The following PHF14 variants were observed in gnomAD, a reference collection of about 807,000 sequenced individuals.
PHF14 encodes the protein PHD finger protein 14.
PHF14 carries 55 observed loss-of-function variants against 117.9 expected under a neutral mutation model. The ratio of observed to expected loss-of-function variants is 0.47; its 90% CI spans 0.38 to 0.58. The LOEUF (loss-of-function observed/expected upper bound fraction) is 0.58, where lower values mean the gene tolerates loss of function less well. Ranked by LOEUF, PHF14 falls within the 20% of genes least tolerant of loss-of-function variation. The pLI is 0.00. For missense variants in PHF14, 978 were observed against 1,122.2 expected (o/e 0.87, Z 1.84); for synonymous variants, 409 against 368.6 (o/e 1.11, Z -1.26).
chr7:11,051,232 A>C (rs912329920), intron 13 of PHF14, among the ~76,000 whole-genome samples: 8 of 151,730 alleles, frequency 5.3e-5, no homozygotes, highest in Admixed American at 1.3e-4. Flanking sequence ...TTGTGAAGAC[A>C]GTCTCTCACT....
At chr7:10,981,233 T>C (rs775091817) in intron 2 of PHF14, among the ~76,000 whole-genome samples, 73 of 152,200 alleles carry the variant, frequency 4.8e-4, no homozygotes, top group Non-Finnish European at 1.2e-4. Flanking sequence ...AACACTTTAC[T>C]TTTTCCACCA....
chr7:11,134,941 C>G (rs1029583), intron 17 of PHF14, among the ~76,000 whole-genome samples: 53,508 of 151,836 alleles, frequency 0.35, 10,219 homozygotes, highest in East Asian at 0.73. Context: ...TGAATACTTG[C>G]ACATAAACAT....
intron 14 of PHF14, among the ~76,000 whole-genome samples, chr7:11,057,495 C>G (rs1412393468): frequency 6.6e-6 from 1 of 152,086 alleles, no homozygotes; most frequent in Non-Finnish European, 1.5e-5. Context: ...ATGCCTCAGC[C>G]TCCTGGGTAG....
At chr7:11,042,444 C>G (rs1390265356) in intron 12 of PHF14, among the ~76,000 whole-genome samples, 1 of 151,776 alleles carries the variant, frequency 6.6e-6, no homozygotes, top group African/African-American at 2.4e-5. Context: ...AGGTTTGACT[C>G]TAGTAGTATT....
chr7:11,093,702 T>G (rs185220775), intron 16 of PHF14, among the ~76,000 whole-genome samples: 7 of 152,330 alleles, frequency 4.6e-5, no homozygotes, highest in Admixed American at 4.6e-4. Flanking sequence ...TTTTCCTCAT[T>G]CAAACTCAGC....
intron 16 of PHF14, among the ~76,000 whole-genome samples, chr7:11,066,348 C>T (rs979490677): frequency 6.6e-6 from 1 of 152,198 alleles, no homozygotes; most frequent in Non-Finnish European, 1.5e-5. Flanking sequence ...CAGCCTCTGC[C>T]TCCCGGGCTC....
At chr7:11,039,720 A>G (rs1784440304) in intron 11 of PHF14, among the ~76,000 whole-genome samples, 1 of 152,160 alleles carries the variant, frequency 6.6e-6, no homozygotes, top group African/African-American at 2.4e-5. Context: ...ACTGATTTGT[A>G]CTGTGCTATA....
intron 16 of PHF14, chr7:11,071,376 T>G (rs1785607125): frequency 2.2e-6 from 1 of 453,418 alleles, no homozygotes. Context: ...TGATTATTTT[T>G]CTTGCTTAAA....
Position 11,005,142 on chromosome 7 carries a change from A to G in PHF14, c.1046-8605A>G, listed in dbSNP as rs190235424. Reference sequence around the variant, plus strand: ...GTAATTAATGATAAATCTGTGGGGTAATAACTTTGAGACTCTGTTAATATG... The same window carrying G: ...GTAATTAATGATAAATCTGTGGGGTGATAACTTTGAGACTCTGTTAATATG... On this transcript the variant is annotated intron_variant, in intron 4 of 17. Transcript: ENST00000634607. 2.7e-3 allele frequency among the ~76,000 whole-genome samples: 418 copies of G among 152,084 alleles called. 3 individuals carry two copies. Among genetic ancestry groups the G allele is most frequent in the African/African-American group, 9.8e-3 (405 of 41,450 alleles).
intron 13 of PHF14, among the ~76,000 whole-genome samples, chr7:11,043,246 C>G (rs757257442): frequency 6.6e-6 from 1 of 151,440 alleles, no homozygotes; most frequent in Non-Finnish European, 1.5e-5. Context: ...TAAATTCAAC[C>G]ATTCTTTGAC....
At chr7:11,001,780 A>G (rs777753121) in intron 4 of PHF14, among the ~76,000 whole-genome samples, 2 of 152,010 alleles carry the variant, frequency 1.3e-5, no homozygotes, top group Non-Finnish European at 2.9e-5. Flanking sequence ...ACTCTTCCAG[A>G]TTTTCTACTT....
At chr7:11,075,621 C>T (rs1785818302) in intron 16 of PHF14, among the ~76,000 whole-genome samples, 1 of 145,456 alleles carries the variant, frequency 6.9e-6, no homozygotes, top group African/African-American at 2.6e-5. Flanking sequence ...GGTTCTGTTC[C>T]CATGACCCAA....
chr7:11,102,702 A>G, intron 16 of PHF14: 1 of 1,409,152 alleles, frequency 7.1e-7, no homozygotes, highest in Non-Finnish European at 9.2e-7. Flanking sequence ...TTGGTTTGTT[A>G]CTTGGACTAA....
Position 11,051,836 on chromosome 7 carries a change from G to A in PHF14, c.2481+56G>A, listed in dbSNP as rs568983488. The A allele has an allele frequency of 1.7e-4, 251 of 1,455,590 alleles. No homozygotes were observed. In the African/African-American group the frequency reaches 3.3e-3, roughly 19 times the overall value. The allele number at this position is 1,455,590 out of a possible 1,614,324, so 90.2% of individuals were successfully genotyped here. On this transcript the variant is annotated intron_variant, in intron 14 of 17. Coordinates refer to ENST00000634607, the MANE Select transcript of PHF14 (RefSeq NM_001007157.2). ...ATACAATTCTGAGGCCAAAATTTAA[G>A]AGAGTGAGAAAGACACAGGGCAAAC...
chr7:11,025,541 C>T (rs1307826047), intron 6 of PHF14, among the ~76,000 whole-genome samples: 2 of 152,176 alleles, frequency 1.3e-5, no homozygotes, highest in African/African-American at 4.8e-5. Flanking sequence ...CACCTGTAAT[C>T]CCAGCACTTT....
At position 10,974,125 on chromosome 7, in the gene PHF14, C is replaced by A. The variant is rs1781778208; in HGVS notation, c.-199C>A. On this transcript the variant is annotated 5_prime_UTR_variant, in exon 1 of 18. Transcript: ENST00000634607. Reference sequence around the variant, plus strand: ...GGGAAGGGGCTCGAGCGGCCAGGGCCAGGCGAGGCCGGGGGGGCGGGGGGT... The same window carrying A: ...GGGAAGGGGCTCGAGCGGCCAGGGCAAGGCGAGGCCGGGGGGGCGGGGGGT... 6.8e-6 allele frequency: 4 copies of A among 590,508 alleles called. No homozygotes were observed. The highest frequency in any genetic ancestry group is 5.5e-5 in the Admixed American group (2 of 36,272). The allele number at this position is 590,508 out of a possible 1,614,324, so 36.6% of individuals were successfully genotyped here.
At chr7:11,060,085 C>T (rs1264991618) in intron 14 of PHF14, among the ~76,000 whole-genome samples, 6 of 152,036 alleles carry the variant, frequency 3.9e-5, no homozygotes, top group African/African-American at 9.7e-5. Flanking sequence ...CTGTGTTGCC[C>T]AGGCTGGTCT....
chr7:11,157,965 ACTTTAG>A (rs1788916880), intron 17 of PHF14, among the ~76,000 whole-genome samples: 3 of 152,196 alleles, frequency 2.0e-5, no homozygotes, highest in Non-Finnish European at 2.9e-5. Context: ...TGTTGAGATA[ACTTTAG>A]ATTTAAAAGA....
intron 4 of PHF14, chr7:11,006,770 C>T: frequency 1.3e-6 from 1 of 772,760 alleles, no homozygotes; most frequent in South Asian, 1.3e-5. Flanking sequence ...TTTTTGGTGG[C>T]TGTGGACACC....
Sources: gnomAD v4.1 joint callset for allele counts (sites outside exome capture counted in the v4.1 genomes callset) on GRCh38, gnomAD v4.1.1 for gene constraint, MANE v1.5 for transcripts, NCBI Gene and HGNC (gene_info 2026-07-23, HGNC 2026-07-21) for gene names.